MAP3K4: variants seen among roughly 807,000 people sequenced by gnomAD.
The protein encoded by MAP3K4 is mitogen-activated protein kinase kinase kinase 4.
Under a neutral mutation model 185.6 loss-of-function variants are expected in MAP3K4, and 67 were observed. The observed-to-expected ratio is 0.36, with a 90% confidence interval of 0.30 to 0.44. The LOEUF (loss-of-function observed/expected upper bound fraction) is 0.44, where lower values mean the gene tolerates loss of function less well. Ranked by LOEUF, MAP3K4 falls within the 20% of genes least tolerant of loss-of-function variation. The pLI is 1.00. For missense variants in MAP3K4, 1,551 were observed against 1,995.1 expected (o/e 0.78, Z 4.24); for synonymous variants, 702 against 710.4 (o/e 0.99, Z 0.19).
At chr6:161,028,736 A>G (rs1279428696) in intron 1 of MAP3K4, among the ~76,000 whole-genome samples, 1 of 152,222 alleles carries the variant, frequency 6.6e-6, no homozygotes, top group African/African-American at 2.4e-5. Flanking sequence ...TATCTTGAAA[A>G]ATAAGCAAGA....
In MAP3K4 at chr6:161,115,761, G is replaced by T. The variant is rs1279855926; in HGVS notation, c.4806+459G>T. Among the ~76,000 whole-genome samples, 4 of 152,258 alleles carry T rather than the reference G, an allele frequency of 2.6e-5. No homozygotes were observed. The highest frequency in any genetic ancestry group is 2.1e-4 in the South Asian group (1 of 4,822). On this transcript the variant is annotated intron_variant, in intron 26 of 26. Transcript: ENST00000392142. This position sits in a 1 kb window ranked among gnomAD's most constrained non-coding sequence, Gnocchi z 6.0. Reference sequence around the variant, plus strand: ...TAAGAGCCACAGCCAGGTCAGAAGTGGGGGAGGGGGCATGGAAGACAAAGT... The same window carrying T: ...TAAGAGCCACAGCCAGGTCAGAAGTTGGGGAGGGGGCATGGAAGACAAAGT...
intron 11 of MAP3K4, 144 bp downstream of exon 11, chr6:161,089,615 T>TC (rs1469947032): frequency 1.4e-6 from 1 of 731,528 alleles, no homozygotes; most frequent in Non-Finnish European, 2.1e-6. Flanking sequence ...ATACATATTT[T>TC]CTTATGTCTA....
rs117213945 is a variant in MAP3K4, at chr6:161,100,300, G to A, written c.3675-1592G>A. Among the ~76,000 whole-genome samples the A allele has an allele frequency of 4.1e-4, 63 of 152,362 alleles. No homozygotes were observed. The East Asian group carries it at 0.012, about 29-fold the overall frequency. Reference sequence around the variant, plus strand: ...TGAATGTGCCACGGGGAGGCAGAATGACACCAGTGTGTGCATCCCTGCCAC... The same window carrying A: ...TGAATGTGCCACGGGGAGGCAGAATAACACCAGTGTGTGCATCCCTGCCAC... On this transcript the variant is annotated intron_variant, in intron 17 of 26. Transcript: ENST00000392142. This position sits in a 1 kb window ranked among gnomAD's most constrained non-coding sequence, Gnocchi z 5.8.
chr6:160,994,609 T>C (rs1698857696), intron 1 of MAP3K4, among the ~76,000 whole-genome samples: 1 of 152,218 alleles, frequency 6.6e-6, no homozygotes, highest in Non-Finnish European at 1.5e-5. Flanking sequence ...TGTGTACATG[T>C]GTCTTTTTCA....
At position 161,064,844 on chromosome 6, in the gene MAP3K4, G is replaced by T. The variant is rs949576778; in HGVS notation, c.1708-5764G>T. Among the ~76,000 whole-genome samples the T allele has an allele frequency of 3.9e-5, 6 of 152,282 alleles. No individual in the cohort carries two copies. Among genetic ancestry groups the T allele is most frequent in the Admixed American group, 1.3e-4 (2 of 15,304 alleles). ...AGGGTACACGGCACGCCTACAGGCC[G>T]CTCATGCAGAGGTCAGGAAGTGCAG... On this transcript the variant is annotated intron_variant, in intron 3 of 26. Coordinates refer to ENST00000392142, the MANE Select transcript of MAP3K4 (RefSeq NM_005922.4). This position sits in a 1 kb window ranked among gnomAD's most constrained non-coding sequence, Gnocchi z 4.3.
Position 161,107,338 on chromosome 6 carries a change from T to C in MAP3K4, c.4049-561T>C, listed in dbSNP as rs1186404916. Among the ~76,000 whole-genome samples the C allele has an allele frequency of 1.3e-5, 2 of 152,192 alleles. No homozygotes were observed. The highest frequency in any genetic ancestry group is 4.8e-5 in the African/African-American group (2 of 41,452). On this transcript the variant is annotated intron_variant, in intron 20 of 26. Transcript: ENST00000392142. The surrounding 1 kb of genome is among the most constrained non-coding windows in gnomAD (Gnocchi z 6.2). ...TTGTCAGCCTGAGGAAACCTGATGT[T>C]TCCTTGGAGCTATCAAGGAGGGCAA...
At chr6:161,032,029 C>T (rs952474244) in intron 1 of MAP3K4, among the ~76,000 whole-genome samples, 6 of 152,194 alleles carry the variant, frequency 3.9e-5, no homozygotes, top group Admixed American at 1.3e-4. Flanking sequence ...AGTTTCCTGG[C>T]AGTTACCATT....
At chr6:161,031,548 C>G (rs1782929150) in intron 1 of MAP3K4, among the ~76,000 whole-genome samples, 1 of 152,156 alleles carries the variant, frequency 6.6e-6, no homozygotes, top group South Asian at 2.1e-4. Flanking sequence ...TGACGCTCCT[C>G]AGGTCGGGGG....
Position 161,101,704 on chromosome 6 carries a change from G to A in MAP3K4, c.3675-188G>A, listed in dbSNP as rs1020912935. ...TGATTCTGGTGGGTCTGTCCTGTGC[G>A]TTTTCCGCTGCCCACTAGATGCCAG... On this transcript the variant is annotated intron_variant, in intron 17 of 26. Coordinates refer to ENST00000392142, the MANE Select transcript of MAP3K4 (RefSeq NM_005922.4). The surrounding 1 kb of genome is among the most constrained non-coding windows in gnomAD (Gnocchi z 5.1). The A allele has an allele frequency of 2.3e-5, 13 of 557,668 alleles. No homozygotes were observed. The highest frequency in any genetic ancestry group is 3.2e-5 in the Non-Finnish European group (10 of 312,356). The allele number at this position is 557,668 out of a possible 1,614,324, so 34.5% of individuals were successfully genotyped here. A position where few individuals can be genotyped will look rare whatever the true frequency, so the allele number is the denominator to read the frequency against.
intron 2 of MAP3K4, among the ~76,000 whole-genome samples, chr6:161,035,027 C>T (rs976016685): frequency 6.6e-6 from 1 of 152,152 alleles, no homozygotes; most frequent in African/African-American, 2.4e-5. Flanking sequence ...CTATTAGACA[C>T]GGAGAGTTTC....
In MAP3K4 at chr6:161,076,192, A is replaced by G. The variant is rs149626672; in HGVS notation, c.2097+2580A>G. On this transcript the variant is annotated intron_variant, in intron 5 of 26. Transcript: ENST00000392142. The surrounding 1 kb of genome is among the most constrained non-coding windows in gnomAD (Gnocchi z 4.2). ...CGCCTTAGGCCCAGAAGGCCCACCC[A>G]GAGATTAACTAGAGCCTTGATATCT... Among the ~76,000 whole-genome samples, 113 of 152,356 alleles carry G rather than the reference A, an allele frequency of 7.4e-4. No individual in the cohort carries two copies. Among genetic ancestry groups the G allele is most frequent in the African/African-American group, 2.5e-3 (104 of 41,588 alleles).
chr6:161,065,676 C>G (rs182657480), intron 3 of MAP3K4, among the ~76,000 whole-genome samples: 2 of 152,140 alleles, frequency 1.3e-5, no homozygotes, highest in Non-Finnish European at 2.9e-5. Context: ...CGGTGGCTTA[C>G]GCCTGTAATC....
chr6:161,095,751 C>T (rs557157136), intron 15 of MAP3K4, among the ~76,000 whole-genome samples: 73 of 152,182 alleles, frequency 4.8e-4, no homozygotes, highest in Non-Finnish European at 9.1e-4. Context: ...CTGTGAAAAG[C>T]ATCTCTATAA....
At position 161,112,036 on chromosome 6, in the gene MAP3K4, G is replaced by A; in HGVS notation, c.4519+78G>A. On this transcript the variant is annotated intron_variant, in intron 24 of 26. Transcript: ENST00000392142. The surrounding 1 kb of genome is among the most constrained non-coding windows in gnomAD (Gnocchi z 5.1). ...GGGCCTGCATGTTCCCTTCACCTTT[G>A]TTTGTCAGTAGAGATGGGAGAGCAG... 6.4e-7 allele frequency: 1 copy of A among 1,562,326 alleles called. No individual in the cohort carries two copies. Among genetic ancestry groups the A allele is most frequent in the Non-Finnish European group, 8.7e-7 (1 of 1,150,798 alleles).
At chr6:161,021,913 GAATA>G (rs2115116656) in intron 1 of MAP3K4, among the ~76,000 whole-genome samples, 2 of 150,946 alleles carry the variant, frequency 1.3e-5, no homozygotes, top group South Asian at 4.2e-4. Flanking sequence ...CAAATTATTA[GAATA>G]AAGACCCAAG....
At chr6:161,033,330 T>C (rs1783015193) in intron 1 of MAP3K4, among the ~76,000 whole-genome samples, 1 of 152,208 alleles carries the variant, frequency 6.6e-6, no homozygotes, top group Admixed American at 6.5e-5. Context: ...GTTTCACTTT[T>C]TAAGAATTGT....
At chr6:161,035,633 C>A (rs1156519869) in intron 2 of MAP3K4, among the ~76,000 whole-genome samples, 2 of 152,168 alleles carry the variant, frequency 1.3e-5, no homozygotes, top group East Asian at 3.9e-4. Context: ...GTACTTACCC[C>A]TTTGGAAATT....
At chr6:161,025,382 G>C (rs939653312) in intron 1 of MAP3K4, among the ~76,000 whole-genome samples, 1 of 152,172 alleles carries the variant, frequency 6.6e-6, no homozygotes, top group Non-Finnish European at 1.5e-5. Flanking sequence ...TTTGTGCCCA[G>C]GTTGTCCTGA....
Position 161,092,087 on chromosome 6 carries a change from G to A in MAP3K4, c.3213G>A (p.Arg1071=). The A allele has an allele frequency of 6.2e-7, 1 of 1,613,966 alleles. No homozygotes were observed. The highest frequency in any genetic ancestry group is 8.5e-7 in the Non-Finnish European group (1 of 1,179,918). Residue 1071 remains arginine (R), a synonymous_variant, in exon 13 of 27, where the codon CGG becomes CGA. Coordinates refer to ENST00000392142, the MANE Select transcript of MAP3K4 (RefSeq NM_005922.4). The part of the protein sequence containing the change: ...KIGDKYISFA[R]KWMNYVLTKC... ...GAGACAAATATATAAGCTTTGCCCG[G>A]AAGTGGATGAATTATGTCCTGACTA...
Sources: gnomAD v4.1 joint callset for allele counts (sites outside exome capture counted in the v4.1 genomes callset) on GRCh38, gnomAD v4.1.1 for gene constraint, Gnocchi (gnomAD v3.1) non-coding constraint, MANE v1.5 for transcripts, NCBI Gene and HGNC (gene_info 2026-07-23, HGNC 2026-07-21) for gene names.